TTN: variants seen among roughly 807,000 people sequenced by gnomAD.
TTN encodes the protein connectin.
TTN carries 1,525 observed loss-of-function variants against 3,223.0 expected under a neutral mutation model. The ratio of observed to expected loss-of-function variants is 0.47; its 90% CI spans 0.45 to 0.49. The LOEUF (loss-of-function observed/expected upper bound fraction) is 0.49. Ranked by LOEUF, TTN falls within the 20% of genes least tolerant of loss-of-function variation. The pLI is 0.00. For synonymous variants in TTN, 14,094 were observed against 15,161.0 expected (o/e 0.93, Z 5.17); for missense variants, 40,786 against 43,424.0 (o/e 0.94, Z 5.40).
chr2:178,705,353 G>C lies in TTN; in HGVS notation c.29425C>G (p.Pro9809Ala). ...TCTCCAGCTCCTTTCTTTAAGATTG[G>C]AGTCCTAAATAAAATTTAAAAAGTA... ...GDLRAMLKKT[P>A]ILKKGAGEEE... is the part of the protein sequence containing the mutation. The change falls in exon 103 of 363, where the codon CCA becomes GCA. Residue 9809 changes from proline (P) to alanine (A), a missense_variant. Pro to Ala is a conservative substitution (Grantham distance 27). Transcript: ENST00000589042. 6.4e-7 allele frequency: 1 copy of C among 1,561,278 alleles called. No individual in the cohort carries two copies. The highest frequency in any genetic ancestry group is 1.2e-5 in the South Asian group (1 of 81,892).
rs2154345729 is a variant in TTN, at chr2:178,775,465, A to G, written c.6399T>C (p.Val2133=). Residue 2133 remains valine, a synonymous_variant, in exon 28 of 363, where the codon GTT becomes GTC. Transcript: ENST00000589042. ...RIYWYWPEDN[V]CELVIRDVTA... is the part of the protein sequence containing the mutation. ...TCACATCTCTTATGACCAATTCACA[A>G]ACATTGTCTTCGGGCCAGTACCAGT... The G allele has an allele frequency of 6.2e-7, 1 of 1,613,916 alleles. No homozygotes were observed. Among genetic ancestry groups the G allele is most frequent in the Non-Finnish European group, 8.5e-7 (1 of 1,179,966 alleles).
rs1707961422 is a variant in TTN at position 178,570,917 on chromosome 2, A to G, written c.75215T>C (p.Val25072Ala). Residue 25072 changes from valine to alanine, a missense_variant, in exon 326 of 363, where the codon GTT becomes GCT. By Grantham distance (64) the Val-to-Ala change is moderately conservative (BLOSUM62 0). Coordinates refer to ENST00000589042, the MANE Select transcript of TTN (RefSeq NM_001267550.2). ...CCGGAACTCATATCTGTGATCTTCA[A>G]CTAGGCCAGTTACTTCAAAATGAGT... ...IDTHFEVTGL[V>A]EDHRYEFRVI... The G allele has an allele frequency of 2.5e-6, 4 of 1,613,612 alleles. No individual in the cohort carries two copies. Among genetic ancestry groups the G allele is most frequent in the South Asian group, 2.2e-5 (2 of 91,078 alleles).
chr2:178,675,271 T>A (rs2067808176), intron 149 of TTN, 158 bp from the exon 150 acceptor site: 3 of 488,180 alleles, frequency 6.1e-6, no homozygotes, highest in Non-Finnish European at 7.1e-6. Flanking sequence ...GAGAAAAGAA[T>A]AAAAAGGTTT....
intron 277 of TTN, 31 bp from the exon 278 acceptor site, chr2:178,607,345 T>G: frequency 6.2e-7 from 1 of 1,612,382 alleles, no homozygotes; most frequent in Non-Finnish European, 8.5e-7. Context: ...AAAATCAATG[T>G]AATAAGATAG....
Position 178,652,273 on chromosome 2 carries a change from G to A in TTN, c.39202C>T (p.Pro13068Ser), listed in dbSNP as rs372882834. The A allele has an allele frequency of 1.9e-6, 3 of 1,613,604 alleles. No homozygotes were observed. Among genetic ancestry groups the A allele is most frequent in the African/African-American group, 1.3e-5 (1 of 75,016 alleles). Residue 13068 changes from proline to serine, a missense_variant, in exon 203 of 363, where the codon CCC (proline) becomes TCC (serine). Transcript: ENST00000589042. ...VPPPKKPEVP[P>S]TKVPEVPKVA... ...CCATGAGGGTGTCTACCTTTTGTGG[G>A]TGGCACTTCAGGCTTTTTAGGAGGA...
Position 178,702,129 on chromosome 2 carries a change from C to T in TTN, c.30511+39G>A, listed in dbSNP as rs754150649. On this transcript the variant is annotated intron_variant, in intron 108 of 362. Coordinates refer to ENST00000589042, the MANE Select transcript of TTN (RefSeq NM_001267550.2). ...AATGGTATAGGTAGGCTACGTGTTT[C>T]GAAGATGGCAGGGTGGCTTTCTGAT... The T allele has an allele frequency of 7.4e-6, 12 of 1,613,204 alleles. 1 individual carries two copies. Among genetic ancestry groups the T allele is most frequent in the East Asian group, 2.2e-5 (1 of 44,892 alleles).
rs2081340017 is a variant in TTN, at chr2:178,735,785, C to T, written c.14661G>A (p.Lys4887=). The T allele has an allele frequency of 1.9e-6, 3 of 1,613,724 alleles. No homozygotes were observed. Among genetic ancestry groups the T allele is most frequent in the South Asian group, 1.1e-5 (1 of 91,078 alleles). Residue 4887 remains lysine (K), a synonymous_variant, in exon 50 of 363, where the codon AAG becomes AAA. Coordinates refer to ENST00000589042, the MANE Select transcript of TTN (RefSeq NM_001267550.2). ...GCTCTAATTCTTTAATGAAATGTGG[C>T]TTATCAATGATGATCAACTCTGCTT... ...ICQAELIIID[K]PHFIKELEPV... is the part of the protein sequence containing the mutation.
intron 163 of TTN, among the ~76,000 whole-genome samples, chr2:178,666,140 T>C (rs1262079207): frequency 6.6e-6 from 1 of 152,154 alleles, no homozygotes; most frequent in African/African-American, 2.4e-5. Flanking sequence ...TTTTTTGTAT[T>C]CACACCTCAG....
At position 178,776,396 on chromosome 2, in the gene TTN, G is replaced by A. The variant is rs1554007106; in HGVS notation, c.5468C>T (p.Ala1823Val). 1.9e-6 allele frequency: 3 copies of A among 1,612,388 alleles called. No homozygotes were observed. The highest frequency in any genetic ancestry group is 1.7e-5 in the Admixed American group (1 of 59,994). Residue 1823 changes from alanine (A) to valine (V), a missense_variant, in exon 28 of 363, where the codon GCT becomes GTT. Transcript: ENST00000589042. ...LQRIEELERMAHEGALTGVTT... is the reference protein window; with the variant it reads ...LQRIEELERMVHEGALTGVTT... ...TACACCTGTAAGTGCACCTTCATGA[G>A]CCATTCTCTCTAATTCTTCAATTCT... is the stretch of plus-strand genomic sequence containing the variant.
rs750749618 is a variant in TTN, at chr2:178,543,259, A to G, written c.96714T>C (p.Val32238=). The G allele has an allele frequency of 6.8e-6, 11 of 1,613,646 alleles. No individual in the cohort carries two copies. The highest frequency in any genetic ancestry group is 9.3e-6 in the Non-Finnish European group (11 of 1,179,790). Residue 32238 remains valine (V), a synonymous_variant, in exon 347 of 363, where the codon GTT becomes GTC. Coordinates refer to ENST00000589042, the MANE Select transcript of TTN (RefSeq NM_001267550.2). ...YDGGSRLTGY[V]LEACKAGTER... is the part of the protein sequence containing the mutation. The stretch of plus-strand genomic sequence containing the variant: ...CTGTGCCAGCTTTGCAGGCCTCGAG[A>G]ACATATCCAGTGAGTCGGCTACCAC...
chr2:178,739,657 A>G lies in TTN; in HGVS notation c.13576T>C (p.Ser4526Pro). Reference sequence around the variant, plus strand: ...TCTTCAGTTGAGATCAGATATTTAGATTCAACTTCTGGTTCAGTAATGGGT... The same window carrying G: ...TCTTCAGTTGAGATCAGATATTTAGGTTCAACTTCTGGTTCAGTAATGGGT... ...VEPITEPEVE[S>P]KYLISTEEVS... Residue 4526 changes from serine to proline, a missense_variant, in exon 48 of 363, where the codon TCT becomes CCT. Transcript: ENST00000589042. The G allele has an allele frequency of 6.2e-7, 1 of 1,613,926 alleles. No individual in the cohort carries two copies. The highest frequency in any genetic ancestry group is 1.7e-5 in the Admixed American group (1 of 60,012).
At position 178,537,511 on chromosome 2, in the gene TTN, A is replaced by G. The variant is rs745799786; in HGVS notation, c.99696T>C (p.His33232=). Reference sequence around the variant, plus strand: ...CTGAGTTTTGCAAAAGTTTCTGACCATGGAACCAAGTCATGGCAGGTACTG... The same window carrying G: ...CTGAGTTTTGCAAAAGTTTCTGACCGTGGAACCAAGTCATGGCAGGTACTG... The part of the protein sequence containing the change: ...GRPVPAMTWF[H]GQKLLQNSEN... Residue 33232 remains histidine, a synonymous_variant, in exon 355 of 363, where the codon CAT becomes CAC. Coordinates refer to ENST00000589042, the MANE Select transcript of TTN (RefSeq NM_001267550.2). 2 of 1,613,782 alleles carry G rather than the reference A, an allele frequency of 1.2e-6. No individual in the cohort carries two copies. Among genetic ancestry groups the G allele is most frequent in the Non-Finnish European group, 1.7e-6 (2 of 1,179,754 alleles).
At chr2:178,666,122 G>A (rs2065883549) in intron 163 of TTN, among the ~76,000 whole-genome samples, 1 of 152,082 alleles carries the variant, frequency 6.6e-6, no homozygotes, top group Admixed American at 6.6e-5. Flanking sequence ...AAAAATCTAG[G>A]TCGGCATTTT....
At position 178,667,308 on chromosome 2, in the gene TTN, T is replaced by C; in HGVS notation, c.35725A>G (p.Thr11909Ala). The C allele has an allele frequency of 6.2e-7, 1 of 1,601,938 alleles. No homozygotes were observed. The highest frequency in any genetic ancestry group is 8.5e-7 in the Non-Finnish European group (1 of 1,174,108). The change falls in exon 162 of 363, where the codon ACC (threonine) becomes GCC (alanine). Residue 11909 changes from threonine to alanine, a missense_variant. Physicochemically the swap from Thr to Ala is moderately conservative, Grantham distance 58. Coordinates refer to ENST00000589042, the MANE Select transcript of TTN (RefSeq NM_001267550.2). ...TCCACCTCTGGAAAAATGCCTCTGGTTGTATCAGGTTCTTTAAAGATATTA... is the reference window on the plus strand; with the variant it reads ...TCCACCTCTGGAAAAATGCCTCTGGCTGTATCAGGTTCTTTAAAGATATTA... ...ETPATKEPDT[T>A]RGIFPEVEPP...
intron 16 of TTN, 57 bp downstream of exon 16, chr2:178,784,013 C>A: frequency 6.2e-7 from 1 of 1,610,024 alleles, no homozygotes; most frequent in South Asian, 1.1e-5. Flanking sequence ...ACTAGCCAAC[C>A]ACCTGGCCCT....
chr2:178,731,348 A>G lies in TTN; in HGVS notation c.17418T>C (p.Asn5806=), dbSNP rs990308126. ...HDGKYVCQAK[N]DAGIQRCSAL... ...CAGAACATCTTTGTATTCCTGCATC[A>G]TTTTTGGCCTGACAGACATATTTCC... Residue 5806 remains asparagine (N), a synonymous_variant, in exon 59 of 363, where the codon AAT becomes AAC. Coordinates refer to ENST00000589042, the MANE Select transcript of TTN (RefSeq NM_001267550.2). 3 of 1,613,734 alleles carry G rather than the reference A, an allele frequency of 1.9e-6. No homozygotes were observed. In the South Asian group the frequency reaches 3.3e-5, roughly 18 times the overall value.
intron 240 of TTN, among the ~76,000 whole-genome samples, chr2:178,625,669 C>A (rs1455159078): frequency 1.3e-5 from 2 of 151,894 alleles, no homozygotes; most frequent in Non-Finnish European, 2.9e-5. Context: ...GTGCCCTGCA[C>A]CCACTAACTC....
Position 178,723,198 on chromosome 2 carries a change from A to G in TTN, c.21809T>C (p.Ile7270Thr), listed in dbSNP as rs771364084. 2.5e-6 allele frequency: 4 copies of G among 1,613,496 alleles called. No individual in the cohort carries two copies. The highest frequency in any genetic ancestry group is 3.4e-6 in the Non-Finnish European group (4 of 1,179,626). The part of the protein sequence containing the change: ...SVTWKKDGFN[I>T]TTSEKCNIVT... ...TATGTTACATTTTTCAGAGGTAGTT[A>G]TGTTAAAACCATCCTTTTTCCAAGT... The change falls in exon 75 of 363, where the codon ATA becomes ACA. Residue 7270 changes from isoleucine (I) to threonine (T), a missense_variant. Ile to Thr is a moderately conservative substitution (Grantham distance 89, BLOSUM62 -1). Transcript: ENST00000589042.
rs1236449802 is a variant in TTN, at chr2:178,718,757, T to C, written c.24443A>G (p.Tyr8148Cys). ...AGCATCATTTGTAACGAGGCAAGAA[T>C]AGTCTCCACTTTCTAATGGCTGCAC... ...FEVQPLESGDYSCLVTNDAGS... is the reference protein window; with the variant it reads ...FEVQPLESGDCSCLVTNDAGS... Residue 8148 changes from tyrosine to cysteine, a missense_variant, in exon 84 of 363, where the codon TAT becomes TGT. Tyr to Cys is a radical substitution (Grantham distance 194, BLOSUM62 -2). Coordinates refer to ENST00000589042, the MANE Select transcript of TTN (RefSeq NM_001267550.2). 3.7e-6 allele frequency: 6 copies of C among 1,613,796 alleles called. No homozygotes were observed. The highest frequency in any genetic ancestry group is 5.1e-6 in the Non-Finnish European group (6 of 1,179,734).
Sources: gnomAD v4.1 joint callset for allele counts (sites outside exome capture counted in the v4.1 genomes callset) on GRCh38, gnomAD v4.1.1 for gene constraint, MANE v1.5 for transcripts, NCBI Gene and HGNC (gene_info 2026-07-23, HGNC 2026-07-21) for gene names.